Variants in UBASH3B observed in about 807,000 individuals in gnomAD.
The protein encoded by UBASH3B is ubiquitin associated and SH3 domain containing B.
In UBASH3B, 37 loss-of-function variants were observed where a neutral mutation model predicts 83.4. The ratio of observed to expected loss-of-function variants is 0.44; its 90% CI spans 0.34 to 0.58. UBASH3B has a LOEUF of 0.58. Ranked by LOEUF, UBASH3B falls within the 20% of genes least tolerant of loss-of-function variation. UBASH3B has a pLI of 0.01. For missense variants in UBASH3B, 657 were observed against 827.2 expected, an observed-to-expected ratio of 0.79 and a Z score of 2.52; for synonymous variants, 304 against 318.3, an observed-to-expected ratio of 0.96 and a Z score of 0.48.
rs182325194 is a variant in UBASH3B, at chr11:122,722,938, C to T, written c.162-53281C>T. On this transcript the variant is annotated intron_variant, in intron 1 of 13. Transcript: ENST00000284273. ...GCCAGGATGGTCTCGATCTCCTGAT[C>T]TCATGATCCGCCCATCTCGGCCTCC... is the stretch of plus-strand genomic sequence containing the variant. Among the ~76,000 whole-genome samples, 29 of 152,266 alleles carry T rather than the reference C, an allele frequency of 1.9e-4. 1 individual carries two copies. The highest frequency in any genetic ancestry group is 1.6e-3 in the Admixed American group (24 of 15,292).
intron 1 of UBASH3B, among the ~76,000 whole-genome samples, chr11:122,687,043 T>C (rs1863818409): frequency 6.6e-6 from 1 of 151,984 alleles, no homozygotes; most frequent in Admixed American, 6.6e-5. Context: ...AATTTTTGTA[T>C]TTTTAGTAGA....
chr11:122,733,925 G>A (rs56277883), intron 1 of UBASH3B, among the ~76,000 whole-genome samples: 7,023 of 151,660 alleles, frequency 0.046, 193 homozygotes, highest in African/African-American at 0.073. Flanking sequence ...TCACTCTGTC[G>A]CCCAGGCTGG....
chr11:122,760,425 A>G (rs1237681852), intron 1 of UBASH3B, among the ~76,000 whole-genome samples: 2 of 151,952 alleles, frequency 1.3e-5, no homozygotes, highest in African/African-American at 4.8e-5. Context: ...CAGTGGCTCA[A>G]CCTTGGCTCA....
Position 122,794,829 on chromosome 11 carries a change from A to C in UBASH3B, c.1108A>C (p.Met370Leu). 6.2e-7 allele frequency: 1 copy of C among 1,613,754 alleles called. No homozygotes were observed. The highest frequency in any genetic ancestry group is 8.5e-7 in the Non-Finnish European group (1 of 1,179,986). Reference protein sequence around the residue: ...TTPLTIICQPMQPLRVNSQPG... With the variant: ...TTPLTIICQPLQPLRVNSQPG... ...TCCTCTTACTATCATCTGCCAGCCC[A>C]TGCAGGTAAGGCTGATTGCTAGGGT... is the stretch of plus-strand genomic sequence containing the variant. Residue 370 changes from methionine (M) to leucine (L), a missense_variant, in exon 7 of 14, where the codon ATG (methionine) becomes CTG (leucine). Met to Leu is a conservative substitution (Grantham distance 15). Coordinates refer to ENST00000284273, the MANE Select transcript of UBASH3B (RefSeq NM_032873.5).
At chr11:122,749,432 T>C (rs887289519) in intron 1 of UBASH3B, among the ~76,000 whole-genome samples, 5 of 152,256 alleles carry the variant, frequency 3.3e-5, no homozygotes. Flanking sequence ...GCATTGTGCT[T>C]TGCATCTTAC....
Position 122,768,508 on chromosome 11 carries a change from G to GTGTGTGTGTATA in UBASH3B, c.162-7710_162-7709insGTGTGTGTATAT, listed in dbSNP as rs557159523. 7.1e-3 allele frequency among the ~76,000 whole-genome samples: 949 copies of GTGTGTGTGTATA among 134,352 alleles called. 3 individuals carry two copies. The highest frequency in any genetic ancestry group is 0.016 in the Middle Eastern group (4 of 250). The allele number at this position is 134,352 out of a possible 152,430, so 88.1% of individuals were successfully genotyped here. A position where few individuals can be genotyped will look rare whatever the true frequency, so the allele number is the denominator to read the frequency against. On this transcript the variant is annotated intron_variant, in intron 1 of 13. Coordinates refer to ENST00000284273, the MANE Select transcript of UBASH3B (RefSeq NM_032873.5). Reference sequence around the variant, plus strand: ...TGTGTGTGTGTGTGTGTGTGTGTGTGTATATATATATATTTGAGACTGAGC... The same window carrying GTGTGTGTGTATA: ...TGTGTGTGTGTGTGTGTGTGTGTGTGTGTGTGTGTATATATATATATATATTTGAGACTGAGC...
intron 1 of UBASH3B, among the ~76,000 whole-genome samples, chr11:122,768,847 C>T (rs1860596502): frequency 6.6e-6 from 1 of 152,128 alleles, no homozygotes; most frequent in Admixed American, 6.5e-5. Context: ...ACATCTGACC[C>T]TCTCAAGATT....
intron 1 of UBASH3B, among the ~76,000 whole-genome samples, chr11:122,713,930 C>T (rs1246223522): frequency 6.6e-6 from 1 of 152,022 alleles, no homozygotes; most frequent in Non-Finnish European, 1.5e-5. Context: ...GAAACCACCT[C>T]TGGATAACTT....
intron 1 of UBASH3B, among the ~76,000 whole-genome samples, chr11:122,761,136 G>A (rs1861364342): frequency 6.6e-6 from 1 of 152,150 alleles, no homozygotes; most frequent in African/African-American, 2.4e-5. Context: ...AGGTGGCAGA[G>A]GAGGGTTTCT....
At chr11:122,722,660 G>C (rs2135945205) in intron 1 of UBASH3B, among the ~76,000 whole-genome samples, 1 of 151,988 alleles carries the variant, frequency 6.6e-6, no homozygotes, top group East Asian at 1.9e-4. Context: ...ATGAAAGTCT[G>C]ACAGCTCTAG....
At chr11:122,753,591 G>T (rs1314486698) in intron 1 of UBASH3B, among the ~76,000 whole-genome samples, 7 of 149,716 alleles carry the variant, frequency 4.7e-5, no homozygotes, top group South Asian at 2.1e-4. Context: ...CCTCCTCCCG[G>T]GTTCAAGCGA....
intron 11 of UBASH3B, among the ~76,000 whole-genome samples, chr11:122,801,758 T>G (rs889244282): frequency 6.6e-6 from 1 of 152,188 alleles, no homozygotes; most frequent in Non-Finnish European, 1.5e-5. Flanking sequence ...TATTGCTATA[T>G]CCCCAGAATG....
rs892615290 is a variant in UBASH3B, at chr11:122,796,343, C to T, written c.1234+67C>T. On this transcript the variant is annotated intron_variant, in intron 8 of 13. Transcript: ENST00000284273. ...GTGGCCTCTAGGCGGCACAGTCAAG[C>T]TACAGTTATCTAGATGGAGTCATTC... 7 of 1,579,306 alleles carry T rather than the reference C, an allele frequency of 4.4e-6. No homozygotes were observed. In the African/African-American group the frequency reaches 8.1e-5, roughly 18 times the overall value.
intron 1 of UBASH3B, among the ~76,000 whole-genome samples, chr11:122,690,167 CATAT>C (rs57203901): frequency 0.06 from 2,623 of 43,418 alleles, 86 homozygotes; most frequent in Admixed American, 0.067. Flanking sequence ...GGCAGGAAAA[CATAT>C]ATATATATAT....
chr11:122,745,619 A>G (rs1048846692), intron 1 of UBASH3B, among the ~76,000 whole-genome samples: 2 of 152,240 alleles, frequency 1.3e-5, no homozygotes, highest in African/African-American at 4.8e-5. Flanking sequence ...TTACAAAGAT[A>G]TTATTGACCC....
intron 1 of UBASH3B, among the ~76,000 whole-genome samples, chr11:122,729,912 G>A (rs73018236): frequency 5.6e-4 from 80 of 142,398 alleles, no homozygotes; most frequent in African/African-American, 2.0e-3. Flanking sequence ...ATGGGAGTTC[G>A]AGGCTGCAGT....
chr11:122,750,606 A>G (rs1408095302), intron 1 of UBASH3B, among the ~76,000 whole-genome samples: 1 of 152,252 alleles, frequency 6.6e-6, no homozygotes, highest in African/African-American at 2.4e-5. Context: ...TGGAGAAGTT[A>G]AGAACCCAGA....
chr11:122,796,455 T>C (rs563524145), intron 8 of UBASH3B, among the ~76,000 whole-genome samples, 179 bp downstream of exon 8: 30 of 152,254 alleles, frequency 2.0e-4, no homozygotes, highest in African/African-American at 7.0e-4. Flanking sequence ...AGTGTTCTTG[T>C]CCCCATTCTA....
At chr11:122,695,751 C>A (rs1020852570) in intron 1 of UBASH3B, among the ~76,000 whole-genome samples, 2 of 152,152 alleles carry the variant, frequency 1.3e-5, no homozygotes, top group Non-Finnish European at 2.9e-5. Context: ...TCAGGAAAGA[C>A]AGAGAAAAGA....
Sources: gnomAD v4.1 joint callset for allele counts (sites outside exome capture counted in the v4.1 genomes callset) on GRCh38, gnomAD v4.1.1 for gene constraint, MANE v1.5 for transcripts, NCBI Gene and HGNC (gene_info 2026-07-23, HGNC 2026-07-21) for gene names.